Variants in TSHZ1 observed in about 807,000 individuals in gnomAD.
TSHZ1 encodes the protein teashirt zinc finger homeobox 1, also known as teashirt homolog 1.
A neutral mutation model predicts 67.1 loss-of-function variants in TSHZ1; 12 were observed. That is an observed-to-expected ratio of 0.18 (90% confidence interval 0.11 to 0.29). TSHZ1 has a LOEUF of 0.29. Among genes scored for constraint, TSHZ1 ranks in the 10% least tolerant of loss-of-function variants. TSHZ1 has a pLI of 1.00. For synonymous variants in TSHZ1, 632 were observed against 622.4 expected, an observed-to-expected ratio of 1.02 and a Z score of -0.23; for missense variants, 1,305 against 1,413.9, an observed-to-expected ratio of 0.92 and a Z score of 1.23.
intron 1 of TSHZ1, among the ~76,000 whole-genome samples, chr18:75,259,869 T>C (rs1247899463): frequency 1.3e-5 from 2 of 152,152 alleles, no homozygotes; most frequent in Admixed American, 6.5e-5. Context: ...GATATAAAAG[T>C]AGGATATCCT....
At chr18:75,272,299 G>A (rs527885782) in intron 1 of TSHZ1, among the ~76,000 whole-genome samples, 12 of 152,198 alleles carry the variant, frequency 7.9e-5, no homozygotes, top group Non-Finnish European at 1.8e-4. Context: ...CAGACCTTTA[G>A]CTAATAACGT....
rs1286383078 is a variant in TSHZ1, at chr18:75,286,446, C to T, written c.1039C>T (p.Leu347=). The T allele has an allele frequency of 6.2e-7, 1 of 1,614,242 alleles. No homozygotes were observed. The highest frequency in any genetic ancestry group is 8.5e-7 in the Non-Finnish European group (1 of 1,180,048). Residue 347 remains leucine (L), a synonymous_variant, in exon 2 of 2, where the codon CTG becomes TTG. Coordinates refer to ENST00000580243, the MANE Select transcript of TSHZ1 (RefSeq NM_001308210.2). This position sits in a 1 kb window ranked among gnomAD's most constrained non-coding sequence, Gnocchi z 5.1. ...LKEPVPAITK[L]VPSTKKRALQ... ...GGAGCCAGTGCCAGCCATCACCAAA[C>T]TGGTCCCCTCCACCAAAAAGCGGGC...
Position 75,287,560 on chromosome 18 carries a change from C to T in TSHZ1, c.2153C>T (p.Pro718Leu). Residue 718 changes from proline to leucine, a missense_variant, in exon 2 of 2, where the codon CCT becomes CTT. By Grantham distance (98) the Pro-to-Leu change is moderately conservative. Coordinates refer to ENST00000580243, the MANE Select transcript of TSHZ1 (RefSeq NM_001308210.2). The surrounding 1 kb of genome is among the most constrained non-coding windows in gnomAD (Gnocchi z 5.0). The stretch of plus-strand genomic sequence containing the variant: ...GTTCACACCCCAAATGGCACAGAGC[C>T]TCTCAAAGCAAAGGTCACCAACGGC... ...LDVHTPNGTE[P>L]LKAKVTNGCN... is the part of the protein sequence containing the mutation. The T allele has an allele frequency of 2.5e-6, 4 of 1,614,228 alleles. No homozygotes were observed. Among genetic ancestry groups the T allele is most frequent in the Non-Finnish European group, 3.4e-6 (4 of 1,180,042 alleles).
In TSHZ1 at chr18:75,285,440, T is replaced by C; in HGVS notation, c.41-8T>C. 6.9e-7 allele frequency: 1 copy of C among 1,451,594 alleles called. No homozygotes were observed. The allele number at this position is 1,451,594 out of a possible 1,614,324, so 89.9% of individuals were successfully genotyped here. ...TTCTTCTAACTGGGTTTCATTTTTC[T>C]CTCCTAGCTTATGTTCCTGAGGAAG... On this transcript the variant is annotated splice_region_variant and splice_polypyrimidine_tract_variant and intron_variant, in intron 1 of 1. Transcript: ENST00000580243.
intron 1 of TSHZ1, among the ~76,000 whole-genome samples, chr18:75,230,003 T>C (rs1213003748): frequency 6.6e-6 from 1 of 152,176 alleles, no homozygotes; most frequent in African/African-American, 2.4e-5. Flanking sequence ...AGAGGACAAA[T>C]ACCAAGACAT....
At chr18:75,263,957 G>A (rs1011874604) in intron 1 of TSHZ1, among the ~76,000 whole-genome samples, 11 of 152,198 alleles carry the variant, frequency 7.2e-5, no homozygotes, top group African/African-American at 2.4e-4. Context: ...CAAGGCTACT[G>A]TAGTTATACT....
intron 1 of TSHZ1, among the ~76,000 whole-genome samples, chr18:75,259,642 A>G (rs989190182): frequency 6.6e-6 from 1 of 152,230 alleles, no homozygotes; most frequent in Non-Finnish European, 1.5e-5. Context: ...GTACATAGTT[A>G]TGATTGTCCT....
At chr18:75,275,156 T>C (rs1393867402) in intron 1 of TSHZ1, among the ~76,000 whole-genome samples, 1 of 152,216 alleles carries the variant, frequency 6.6e-6, no homozygotes, top group African/African-American at 2.4e-5. Context: ...CCCATTTCTC[T>C]TCTGTTCCTG....
intron 1 of TSHZ1, among the ~76,000 whole-genome samples, chr18:75,249,943 C>G (rs1599039842): frequency 6.7e-6 from 1 of 149,804 alleles, no homozygotes; most frequent in African/African-American, 2.5e-5. Flanking sequence ...GGAGGGTTGA[C>G]TTCCTCTTCC....
chr18:75,212,029 G>T, intron 1 of TSHZ1, 113 bp downstream of exon 1: 1 of 818,640 alleles, frequency 1.2e-6, no homozygotes, highest in Non-Finnish European at 1.6e-6. Context: ...AAGCTGGGGA[G>T]GGGAGGCCCA....
chr18:75,265,438 G>A (rs956129228), intron 1 of TSHZ1, among the ~76,000 whole-genome samples: 6 of 152,148 alleles, frequency 3.9e-5, no homozygotes, highest in Admixed American at 1.3e-4. Context: ...TCGTATGGCC[G>A]CTGAGTTAAT....
At chr18:75,214,566 G>A (rs898316870) in intron 1 of TSHZ1, among the ~76,000 whole-genome samples, 9 of 152,096 alleles carry the variant, frequency 5.9e-5, no homozygotes, top group Admixed American at 6.5e-5. Flanking sequence ...TGTTCCATCC[G>A]TAACTGATGA....
intron 1 of TSHZ1, among the ~76,000 whole-genome samples, chr18:75,279,999 TTGTG>T (rs1411646106): frequency 1.3e-5 from 2 of 152,262 alleles, no homozygotes; most frequent in Non-Finnish European, 2.9e-5. Flanking sequence ...GATAAATAAC[TTGTG>T]TATTTATTAT....
chr18:75,268,091 A>C (rs977350609), intron 1 of TSHZ1, among the ~76,000 whole-genome samples: 1 of 152,206 alleles, frequency 6.6e-6, no homozygotes, highest in South Asian at 2.1e-4. Context: ...GAAACTTAAC[A>C]GTTTGCATTT....
At chr18:75,224,367 C>T in intron 1 of TSHZ1, among the ~76,000 whole-genome samples, 1 of 152,312 alleles carries the variant, frequency 6.6e-6, no homozygotes, top group Non-Finnish European at 1.5e-5. Flanking sequence ...GTCTGTTCCT[C>T]ACCTTCAGGA....
Position 75,211,810 on chromosome 18 carries a change from G to GCCCCGCGT in TSHZ1, c.-59_-52dup, listed in dbSNP as rs1184463294. The GCCCCGCGT allele has an allele frequency of 1.3e-3, 1,379 of 1,035,976 alleles. 17 individuals are homozygous for GCCCCGCGT. The African/African-American group carries it at 0.021, about 16-fold the overall frequency. 64.2% of individuals were successfully genotyped at this position (1,035,976 alleles called of 1,614,324 possible). A position where few individuals can be genotyped will look rare whatever the true frequency, so the allele number is the denominator to read the frequency against. Reference sequence around the variant, plus strand: ...CCGCGGAGTTGCGCCCGCGCCCGGGGCCCCGCGTCCCCGCGCCCCGCGAAC... The same window carrying GCCCCGCGT: ...CCGCGGAGTTGCGCCCGCGCCCGGGGCCCCGCGTCCCCGCGTCCCCGCGCCCCGCGAAC... On this transcript the variant is annotated 5_prime_UTR_variant, in exon 1 of 2. It removes the in-frame stop codon of an upstream open reading frame in the 5' UTR. Coordinates refer to ENST00000580243, the MANE Select transcript of TSHZ1 (RefSeq NM_001308210.2).
At chr18:75,218,651 C>T (rs1190859375) in intron 1 of TSHZ1, among the ~76,000 whole-genome samples, 1 of 152,206 alleles carries the variant, frequency 6.6e-6, no homozygotes, top group Non-Finnish European at 1.5e-5. Flanking sequence ...GGGGGCCGGG[C>T]TGGGGGGAGC....
chr18:75,233,979 CT>C (rs1346741727), intron 1 of TSHZ1, among the ~76,000 whole-genome samples: 1 of 152,104 alleles, frequency 6.6e-6, no homozygotes, highest in Non-Finnish European at 1.5e-5. Context: ...ACTGATGTCC[CT>C]TTTTGCCGTC....
At chr18:75,223,134 T>G (rs954530182) in intron 1 of TSHZ1, among the ~76,000 whole-genome samples, 1 of 152,186 alleles carries the variant, frequency 6.6e-6, no homozygotes, top group Non-Finnish European at 1.5e-5. Context: ...GTTCTTCCTC[T>G]TGGGAATTCA....
Sources: gnomAD v4.1 joint callset for allele counts (sites outside exome capture counted in the v4.1 genomes callset) on GRCh38, gnomAD v4.1.1 for gene constraint, Gnocchi (gnomAD v3.1) non-coding constraint, MANE v1.5 for transcripts, NCBI Gene and HGNC (gene_info 2026-07-23, HGNC 2026-07-21) for gene names.